DYNC2LI1: variants seen among roughly 807,000 people sequenced by gnomAD.
DYNC2LI1 encodes the protein cytoplasmic dynein 2 light intermediate chain 1.
Under a neutral mutation model 51.9 loss-of-function variants are expected in DYNC2LI1, and 45 were observed. That is an observed-to-expected ratio of 0.87 (90% CI 0.68 to 1.11). The LOEUF (loss-of-function observed/expected upper bound fraction) is 1.11. DYNC2LI1 is among the 50% of genes most tolerant of loss of function. The pLI is 0.00. For missense variants in DYNC2LI1, 490 were observed against 417.4 expected (o/e 1.17, Z -1.51); for synonymous variants, 130 against 137.8 (o/e 0.94, Z 0.40).
intron 5 of DYNC2LI1, among the ~76,000 whole-genome samples, chr2:43,789,990 A>G (rs367765372): frequency 5.9e-5 from 9 of 152,328 alleles, no homozygotes; most frequent in African/African-American, 1.9e-4. Context: ...AATACATCAA[A>G]TTACACTTGG....
At chr2:43,786,919 C>T (rs1305650661) in intron 3 of DYNC2LI1, among the ~76,000 whole-genome samples, 4 of 152,182 alleles carry the variant, frequency 2.6e-5, no homozygotes, top group South Asian at 2.1e-4. Flanking sequence ...TGGCCATCCA[C>T]GCTGCCAGCC....
the DYNC2LI1 span, chr2:43,828,090 C>G: frequency 6.2e-7 from 1 of 1,614,086 alleles, no homozygotes; most frequent in South Asian, 1.1e-5. Flanking sequence ...ATGGCTCAGA[C>G]TCAGCTCTGC....
intron 5 of DYNC2LI1, chr2:43,793,017 A>G: frequency 2.7e-6 from 1 of 376,340 alleles, no homozygotes; most frequent in Non-Finnish European, 4.5e-6. Flanking sequence ...GTTTAGACTC[A>G]GAAGTGGAAT....
At position 43,794,621 on chromosome 2, in the gene DYNC2LI1, A is replaced by G. The variant is rs1673950237; in HGVS notation, c.485A>G (p.Asn162Ser). Reference sequence around the variant, plus strand: ...TCTGAAATGAGACAGAAGATCTGGAATAATATGCCGAAGGATCATCCTGTG... The same window carrying G: ...TCTGAAATGAGACAGAAGATCTGGAGTAATATGCCGAAGGATCATCCTGTG... Reference protein sequence around the residue: ...AVSEMRQKIWNNMPKDHPDHE... With the variant: ...AVSEMRQKIWSNMPKDHPDHE... Residue 162 changes from asparagine (N) to serine (S), a missense_variant, in exon 6 of 13, where the codon AAT (asparagine) becomes AGT (serine). Transcript: ENST00000260605. 2.5e-6 allele frequency: 4 copies of G among 1,614,126 alleles called. 1 individual carries two copies. Among genetic ancestry groups the G allele is most frequent in the Admixed American group, 1.7e-5 (1 of 60,034 alleles).
chr2:43,818,814 T>C, the DYNC2LI1 span, among the ~76,000 whole-genome samples: 1 of 152,230 alleles, frequency 6.6e-6, no homozygotes, highest in Non-Finnish European at 1.5e-5. Flanking sequence ...TGTGTTTTCA[T>C]ATTGATTATT....
chr2:43,797,241 C>T (rs764804744), intron 8 of DYNC2LI1, among the ~76,000 whole-genome samples: 2 of 152,118 alleles, frequency 1.3e-5, no homozygotes, highest in Non-Finnish European at 2.9e-5. Flanking sequence ...GGGTTCGAAT[C>T]TCAGAGTGAC....
the DYNC2LI1 span, chr2:43,826,233 C>T: frequency 2.8e-6 from 3 of 1,087,744 alleles, no homozygotes; most frequent in Non-Finnish European, 4.1e-6. Context: ...CTCCTGGCCT[C>T]AAGTGCTCCT....
the DYNC2LI1 span, chr2:43,819,841 T>G: frequency 6.6e-7 from 1 of 1,508,164 alleles, no homozygotes; most frequent in Non-Finnish European, 9.2e-7. Context: ...GGTATTCCTT[T>G]ACTTCAGTCA....
downstream of DYNC2LI1, chr2:43,813,444 T>C (rs896470981): frequency 5.7e-5 from 41 of 714,290 alleles, no homozygotes; most frequent in Non-Finnish European, 9.3e-5. Context: ...GTTTACAATT[T>C]GATGAAGCAA....
At chr2:43,821,733 T>C in the DYNC2LI1 span, among the ~76,000 whole-genome samples, 2 of 152,334 alleles carry the variant, frequency 1.3e-5, no homozygotes, top group African/African-American at 4.8e-5. Flanking sequence ...GCATGTCCCA[T>C]GATGACTGAT....
At chr2:43,796,636 T>C in intron 7 of DYNC2LI1, 82 bp from the exon 8 acceptor site, 1 of 986,726 alleles carries the variant, frequency 1.0e-6, no homozygotes, top group South Asian at 1.5e-5. Flanking sequence ...TAAGAAATAA[T>C]CTATTCTACA....
chr2:43,789,698 A>G lies in DYNC2LI1; in HGVS notation c.297A>G (p.Ile99Met), dbSNP rs1673689940. Residue 99 changes from isoleucine to methionine, a missense_variant, in exon 5 of 13, where the codon ATA becomes ATG. Coordinates refer to ENST00000260605, the MANE Select transcript of DYNC2LI1 (RefSeq NM_016008.4). ...CCTCTTTATTGGACTTAATCAGCAT[A>G]CCCATCACAGGTGACACCTTACGGT... ...GGTSLLDLIS[I>M]PITGDTLRTF... is the part of the protein sequence containing the mutation. 1 of 1,613,930 alleles carries G rather than the reference A, an allele frequency of 6.2e-7. No individual in the cohort carries two copies. The highest frequency in any genetic ancestry group is 8.5e-7 in the Non-Finnish European group (1 of 1,179,900).
chr2:43,780,786 G>A (rs1004474319), intron 2 of DYNC2LI1, among the ~76,000 whole-genome samples: 4 of 152,062 alleles, frequency 2.6e-5, no homozygotes, highest in Non-Finnish European at 5.9e-5. Flanking sequence ...GGGATAATGG[G>A]TCAGAGGAGA....
chr2:43,794,364 AT>A (rs1184419306), intron 5 of DYNC2LI1, 92 bp from the exon 6 acceptor site: 6 of 1,304,658 alleles, frequency 4.6e-6, no homozygotes, highest in Non-Finnish European at 6.2e-6. Flanking sequence ...CTTAAGGTAT[AT>A]TTTAGTTATT....
intron 6 of DYNC2LI1, 46 bp downstream of exon 6, chr2:43,794,689 A>G (rs1393020166): frequency 1.2e-6 from 2 of 1,613,486 alleles, no homozygotes; most frequent in Non-Finnish European, 1.7e-6. Context: ...AGTCCCATTT[A>G]TAGTTAATGA....
At chr2:43,789,441 T>C (rs188962685) in intron 4 of DYNC2LI1, among the ~76,000 whole-genome samples, 192 bp from the exon 5 acceptor site, 1 of 152,186 alleles carries the variant, frequency 6.6e-6, no homozygotes, top group Non-Finnish European at 1.5e-5. Context: ...CAATTCTGAA[T>C]AGTTCATCAT....
intron 10 of DYNC2LI1, among the ~76,000 whole-genome samples, chr2:43,803,532 GAGAC>G (rs1553364746): frequency 6.6e-6 from 1 of 152,162 alleles, no homozygotes; most frequent in Non-Finnish European, 1.5e-5. Flanking sequence ...TATGGATGGG[GAGAC>G]CAGGGGAGGG....
At position 43,796,766 on chromosome 2, in the gene DYNC2LI1, G is replaced by T; in HGVS notation, c.625G>T (p.Val209Phe). ...GGTAATATGCAAGACACTTCGATTT[G>T]TTGCACATTATTATGGAGCATCATT... ...RKVICKTLRFVAHYYGASLMF... is the reference protein window; with the variant it reads ...RKVICKTLRFFAHYYGASLMF... Residue 209 changes from valine (V) to phenylalanine (F), a missense_variant, in exon 8 of 13, where the codon GTT becomes TTT. Transcript: ENST00000260605. 1 of 1,613,706 alleles carries T rather than the reference G, an allele frequency of 6.2e-7. No homozygotes were observed. The highest frequency in any genetic ancestry group is 1.3e-5 in the African/African-American group (1 of 75,052).
At position 43,776,886 on chromosome 2, in the gene DYNC2LI1, G is replaced by T; in HGVS notation, c.113G>T (p.Gly38Val). Residue 38 changes from glycine to valine, a missense_variant, in exon 2 of 13, where the codon GGC becomes GTC. Transcript: ENST00000260605. ...EIAEKFVFFI[G>V]SKNGGKTTII... is the part of the protein sequence containing the mutation. ...GCAGAAAAATTTGTTTTCTTCATTGGCAGTAAAAATGGGGTAATGCTTTCT... is the reference window on the plus strand; with the variant it reads ...GCAGAAAAATTTGTTTTCTTCATTGTCAGTAAAAATGGGGTAATGCTTTCT... 1.9e-6 allele frequency: 3 copies of T among 1,564,612 alleles called. No homozygotes were observed. The highest frequency in any genetic ancestry group is 2.6e-6 in the Non-Finnish European group (3 of 1,140,810).
Sources: gnomAD v4.1 joint callset for allele counts (sites outside exome capture counted in the v4.1 genomes callset) on GRCh38, gnomAD v4.1.1 for gene constraint, MANE v1.5 for transcripts, NCBI Gene and HGNC (gene_info 2026-07-23, HGNC 2026-07-21) for gene names.